OSBP2: variants seen among roughly 807,000 people sequenced by gnomAD.
OSBP2 encodes the protein oxysterol binding protein 2.
Under a neutral mutation model 96.0 loss-of-function variants are expected in OSBP2, and 66 were observed. The ratio of observed to expected loss-of-function variants is 0.69; its 90% confidence interval spans 0.56 to 0.84. OSBP2 has a LOEUF of 0.84. OSBP2 is among the 40% of genes least tolerant of loss of function. The pLI, the probability that OSBP2 is intolerant of heterozygous loss-of-function variation, is 0.00. For missense variants in OSBP2, 1,038 were observed against 1,222.7 expected (o/e 0.85, Z 2.25); for synonymous variants, 525 against 520.9 (o/e 1.01, Z -0.11).
chr22:30,720,036 A>G (rs2089523905), intron 1 of OSBP2, among the ~76,000 whole-genome samples: 1 of 152,154 alleles, frequency 6.6e-6, no homozygotes, highest in Admixed American at 6.6e-5. Context: ...ATGTTAGAAA[A>G]TCCTTCTGTT....
At chr22:30,856,048 G>A in intron 2 of OSBP2, among the ~76,000 whole-genome samples, 1 of 152,258 alleles carries the variant, frequency 6.6e-6, no homozygotes, top group Non-Finnish European at 1.5e-5. Context: ...GCTTTGAGGA[G>A]CCTCCTGTGG....
chr22:30,741,505 G>A (rs2089936784), intron 2 of OSBP2, 136 bp downstream of exon 2: 5 of 665,968 alleles, frequency 7.5e-6, no homozygotes, highest in Non-Finnish European at 1.3e-5. Context: ...AGGTCAAGGT[G>A]CGTGCATGTT....
intron 2 of OSBP2, among the ~76,000 whole-genome samples, chr22:30,843,177 A>C (rs1241881185): frequency 6.6e-6 from 1 of 152,174 alleles, no homozygotes; most frequent in Non-Finnish European, 1.5e-5. Flanking sequence ...TGAAGTCTTG[A>C]ACCCCTCAAA....
intron 2 of OSBP2, among the ~76,000 whole-genome samples, chr22:30,759,012 A>G (rs1263876505): frequency 6.6e-6 from 1 of 152,184 alleles, no homozygotes; most frequent in African/African-American, 2.4e-5. Context: ...AAGCTGCATG[A>G]ATACCCACGT....
intron 2 of OSBP2, among the ~76,000 whole-genome samples, chr22:30,857,465 C>T (rs915630988): frequency 2.6e-5 from 4 of 152,182 alleles, no homozygotes; most frequent in African/African-American, 7.2e-5. Flanking sequence ...TAGTCGCGAC[C>T]GATATGGGAC....
intron 1 of OSBP2, among the ~76,000 whole-genome samples, chr22:30,733,397 G>A (rs2089808372): frequency 6.6e-6 from 1 of 152,220 alleles, no homozygotes; most frequent in Admixed American, 6.5e-5. Context: ...GAGATCTGCA[G>A]GGGGGATAAA....
In OSBP2 at chr22:30,852,920, C is replaced by A. The variant is rs180751902; in HGVS notation, c.854-17509C>A. On this transcript the variant is annotated intron_variant, in intron 2 of 13. Coordinates refer to ENST00000332585, the MANE Select transcript of OSBP2 (RefSeq NM_030758.4). ...GTGTCTGGCTTAATTTCCATATATT[C>A]GGGGTTTTTTTCCAGATATATTTTT... 2.0e-5 allele frequency among the ~76,000 whole-genome samples: 3 copies of A among 152,184 alleles called. No individual in the cohort carries two copies. The East Asian group carries it at 5.8e-4, about 29-fold the overall frequency.
In OSBP2 at chr22:30,695,445, T is replaced by C; in HGVS notation, c.536T>C (p.Leu179Ser). Residue 179 changes from leucine (L) to serine (S), a missense_variant, in exon 1 of 14, where the codon TTA (leucine) becomes TCA (serine). By Grantham distance (145) the Leu-to-Ser change is moderately radical (BLOSUM62 -2). This residue lies in a region of OSBP2 where 281 missense variants were observed against 273.4 expected (regional missense o/e 1.03). Coordinates refer to ENST00000332585, the MANE Select transcript of OSBP2 (RefSeq NM_030758.4). The part of the protein sequence containing the change: ...TGTTSSAPLA[L>S]LPLDSFEGWL... ...ACGACCTCCAGTGCCCCACTGGCCT[T>C]ACTGCCTCTGGACAGCTTCGAGGGC... 1 of 1,613,698 alleles carries C rather than the reference T, an allele frequency of 6.2e-7. No individual in the cohort carries two copies. Among genetic ancestry groups the C allele is most frequent in the Non-Finnish European group, 8.5e-7 (1 of 1,180,036 alleles).
chr22:30,881,551 A>G lies in OSBP2; in HGVS notation c.1108-5875A>G. The G allele has an allele frequency of 1.4e-6, 1 of 690,982 alleles. No individual in the cohort carries two copies. The highest frequency in any genetic ancestry group is 2.1e-6 in the Non-Finnish European group (1 of 477,548). The allele number at this position is 690,982 out of a possible 1,614,324, so 42.8% of individuals were successfully genotyped here. A position where few individuals can be genotyped will look rare whatever the true frequency, so the allele number is the denominator to read the frequency against. On this transcript the variant is annotated intron_variant, in intron 3 of 13. Transcript: ENST00000332585. The surrounding 1 kb of genome is among the most constrained non-coding windows in gnomAD (Gnocchi z 4.5). ...GTTGTCACACAGCCTCAGAGAAATG[A>G]GACCACGTTCAGGCCTGGGCTGGGT...
intron 1 of OSBP2, among the ~76,000 whole-genome samples, chr22:30,732,367 G>A (rs1363366730): frequency 6.6e-6 from 1 of 152,056 alleles, no homozygotes; most frequent in Non-Finnish European, 1.5e-5. Flanking sequence ...TTTTATTCCA[G>A]ACATTCTCCT....
chr22:30,695,490 A>C lies in OSBP2; in HGVS notation c.581A>C (p.Asn194Thr). The C allele has an allele frequency of 6.2e-7, 1 of 1,613,216 alleles. No homozygotes were observed. Among genetic ancestry groups the C allele is most frequent in the African/African-American group, 1.3e-5 (1 of 75,064 alleles). ...GAGGGCTGGCTTCTCAAGTGGACCAACTATCTGAAGGGCTACCAGCGCCGC... is the reference window on the plus strand; with the variant it reads ...GAGGGCTGGCTTCTCAAGTGGACCACCTATCTGAAGGGCTACCAGCGCCGC... ...SFEGWLLKWTNYLKGYQRRWF... is the reference protein window; with the variant it reads ...SFEGWLLKWTTYLKGYQRRWF... Residue 194 changes from asparagine (N) to threonine (T), a missense_variant, in exon 1 of 14, where the codon AAC becomes ACC. Physicochemically the swap from Asn to Thr is moderately conservative, Grantham distance 65. This residue lies in a region of OSBP2 where 281 missense variants were observed against 273.4 expected (regional missense o/e 1.03). Coordinates refer to ENST00000332585, the MANE Select transcript of OSBP2 (RefSeq NM_030758.4).
intron 2 of OSBP2, among the ~76,000 whole-genome samples, chr22:30,826,593 T>A (rs2038410500): frequency 6.6e-6 from 1 of 152,182 alleles, no homozygotes; most frequent in African/African-American, 2.4e-5. Context: ...GATGCAAGTC[T>A]CACCCTCCTA....
At chr22:30,882,364 C>T (rs1038453271) in intron 3 of OSBP2, among the ~76,000 whole-genome samples, 9 of 152,362 alleles carry the variant, frequency 5.9e-5, no homozygotes, top group African/African-American at 2.2e-4. Context: ...TAAACCCTAA[C>T]AGCACTGGTT....
At chr22:30,843,217 T>C (rs2038791835) in intron 2 of OSBP2, among the ~76,000 whole-genome samples, 2 of 152,230 alleles carry the variant, frequency 1.3e-5, no homozygotes, top group Admixed American at 1.3e-4. Flanking sequence ...ATCAACTTCT[T>C]CCAAACTTCT....
intron 2 of OSBP2, among the ~76,000 whole-genome samples, chr22:30,829,834 C>T (rs1309951772): frequency 6.6e-6 from 1 of 152,218 alleles, no homozygotes; most frequent in Non-Finnish European, 1.5e-5. Flanking sequence ...TAATATTTGA[C>T]TGGTCCTGAA....
intron 2 of OSBP2, among the ~76,000 whole-genome samples, chr22:30,746,735 G>A (rs867464720): frequency 3.3e-5 from 5 of 151,908 alleles, no homozygotes; most frequent in South Asian, 4.2e-4. Flanking sequence ...CAGATGATCC[G>A]CCTGCCTTGG....
intron 2 of OSBP2, among the ~76,000 whole-genome samples, chr22:30,850,878 A>G (rs1031307916): frequency 1.3e-5 from 2 of 152,216 alleles, no homozygotes; most frequent in African/African-American, 2.4e-5. Context: ...GATTGCATTG[A>G]ATCTATACAT....
chr22:30,857,824 T>C (rs2039109092), intron 2 of OSBP2, among the ~76,000 whole-genome samples: 1 of 152,208 alleles, frequency 6.6e-6, no homozygotes. Context: ...TCATCCCCTA[T>C]TCATTTAAGA....
At chr22:30,804,296 G>A (rs1156360775) in intron 2 of OSBP2, among the ~76,000 whole-genome samples, 1 of 152,204 alleles carries the variant, frequency 6.6e-6, no homozygotes, top group East Asian at 1.9e-4. Context: ...TGAGATGCCT[G>A]TTCTAACCCA....
Sources: gnomAD v4.1 joint callset for allele counts (sites outside exome capture counted in the v4.1 genomes callset) on GRCh38, gnomAD v4.1.1 for gene constraint, gnomAD v4.1.1 regional missense constraint, Gnocchi (gnomAD v3.1) non-coding constraint, MANE v1.5 for transcripts, NCBI Gene and HGNC (gene_info 2026-07-23, HGNC 2026-07-21) for gene names.